TPD52L1: variants seen among roughly 807,000 people sequenced by gnomAD.
The protein encoded by TPD52L1 is TPD52 like 1.
Under a neutral mutation model 28.7 loss-of-function variants are expected in TPD52L1, and 18 were observed. The ratio of observed to expected loss-of-function variants is 0.63; its 90% CI spans 0.43 to 0.93. TPD52L1 has a LOEUF of 0.93. Ranked by LOEUF, TPD52L1 falls within the 40% of genes least tolerant of loss-of-function variation. The pLI, the probability that TPD52L1 is intolerant of heterozygous loss-of-function variation, is 0.00. For missense variants in TPD52L1, 203 were observed against 254.8 expected, an observed-to-expected ratio of 0.80 and a Z score of 1.39; for synonymous variants, 75 against 88.8, an observed-to-expected ratio of 0.84 and a Z score of 0.88.
chr6:125,165,020 G>A (rs979238315), intron 1 of TPD52L1, among the ~76,000 whole-genome samples: 1 of 140,776 alleles, frequency 7.1e-6, no homozygotes, highest in East Asian at 2.0e-4. Flanking sequence ...TGCTGAGGCA[G>A]TGGGACCACT....
chr6:125,202,476 A>G (rs958380048), intron 1 of TPD52L1, among the ~76,000 whole-genome samples: 3 of 152,010 alleles, frequency 2.0e-5, no homozygotes, highest in Admixed American at 6.6e-5. Flanking sequence ...ACAGCCCTCA[A>G]CTCTAGCTTG....
chr6:125,178,461 A>T (rs1289777201), intron 1 of TPD52L1, among the ~76,000 whole-genome samples: 1 of 152,122 alleles, frequency 6.6e-6, no homozygotes, highest in Admixed American at 6.5e-5. Flanking sequence ...TCTCTACTAA[A>T]AATACAAAAC....
chr6:125,183,731 A>G (rs1334983581), intron 1 of TPD52L1, among the ~76,000 whole-genome samples: 2 of 151,126 alleles, frequency 1.3e-5, no homozygotes, highest in African/African-American at 4.8e-5. Context: ...AATATAAAAC[A>G]ATAAGAAAGA....
At chr6:125,154,128 GCCCAAAC>G in intron 1 of TPD52L1, 158 bp downstream of exon 1, 1 of 1,402,728 alleles carries the variant, frequency 7.1e-7, no homozygotes, top group Non-Finnish European at 9.3e-7. Flanking sequence ...AATGCCTGCT[GCCCAAAC>G]TCAGGATTTG....
chr6:125,264,320 T>G lies in TPD52L1; in HGVS notation c.*1358T>G, dbSNP rs955484827. 2 of 152,242 alleles carry G rather than the reference T, an allele frequency of 1.3e-5. No individual in the cohort carries two copies. Among genetic ancestry groups the G allele is most frequent in the African/African-American group, 4.8e-5 (2 of 41,464 alleles). The allele number at this position is 152,242 out of a possible 1,614,324, so 9.4% of individuals were successfully genotyped here. ...TATAATATATACATATTTGTTAGCA[T>G]GCTAATTGTTCATGTTTTGTGTTTA... is the stretch of plus-strand genomic sequence containing the variant. On this transcript the variant is annotated 3_prime_UTR_variant, in exon 7 of 7. Coordinates refer to ENST00000534000, the MANE Select transcript of TPD52L1 (RefSeq NM_003287.4).
intron 1 of TPD52L1, among the ~76,000 whole-genome samples, chr6:125,187,969 T>C (rs1462743710): frequency 6.6e-6 from 1 of 151,886 alleles, no homozygotes; most frequent in Non-Finnish European, 1.5e-5. Context: ...CAGCATTAGC[T>C]GGGGTATGGT....
intron 3 of TPD52L1, among the ~76,000 whole-genome samples, chr6:125,238,835 C>T (rs201637017): frequency 2.6e-5 from 4 of 152,150 alleles, no homozygotes; most frequent in African/African-American, 9.7e-5. Context: ...GACTTCCTAC[C>T]ACAGTTATAT....
chr6:125,218,552 C>G (rs1294814440), intron 1 of TPD52L1, among the ~76,000 whole-genome samples: 1 of 151,966 alleles, frequency 6.6e-6, no homozygotes, highest in Non-Finnish European at 1.5e-5. Context: ...AGTGGCTTGT[C>G]TTTTCATTTT....
intron 4 of TPD52L1, among the ~76,000 whole-genome samples, chr6:125,249,276 C>T (rs1797108058): frequency 6.6e-6 from 1 of 151,416 alleles, no homozygotes; most frequent in East Asian, 1.9e-4. Context: ...ATTTTTCCCT[C>T]TATTCTTTAA....
chr6:125,217,085 A>G (rs1794938955), intron 1 of TPD52L1, among the ~76,000 whole-genome samples: 1 of 152,214 alleles, frequency 6.6e-6, no homozygotes, highest in Non-Finnish European at 1.5e-5. Context: ...GGTAAAGTGG[A>G]GAAAATACTC....
intron 1 of TPD52L1, among the ~76,000 whole-genome samples, chr6:125,166,528 G>A (rs928634552): frequency 2.4e-4 from 37 of 152,034 alleles, no homozygotes; most frequent in African/African-American, 8.7e-4. Context: ...GCATTGGAGG[G>A]GAAGAAAAAC....
intron 1 of TPD52L1, among the ~76,000 whole-genome samples, chr6:125,195,876 C>G (rs1582904760): frequency 6.6e-6 from 1 of 152,214 alleles, no homozygotes; most frequent in Non-Finnish European, 1.5e-5. Flanking sequence ...CGCGCTATCA[C>G]AGCCAGGCCA....
intron 1 of TPD52L1, chr6:125,208,854 C>G: frequency 1.0e-6 from 1 of 967,988 alleles, no homozygotes; most frequent in Non-Finnish European, 1.2e-6. Flanking sequence ...CAGGGAGAGT[C>G]TGGGTCCTGA....
intron 3 of TPD52L1, among the ~76,000 whole-genome samples, chr6:125,237,804 CT>C (rs1450990096): frequency 6.6e-6 from 1 of 151,920 alleles, no homozygotes; most frequent in Non-Finnish European, 1.5e-5. Context: ...CCACCCAGCC[CT>C]GATTTTGTTT....
chr6:125,229,560 A>G (rs1795816665), intron 3 of TPD52L1, among the ~76,000 whole-genome samples: 1 of 152,160 alleles, frequency 6.6e-6, no homozygotes, highest in African/African-American at 2.4e-5. Flanking sequence ...TATTTTTAAC[A>G]TTTGTCAAAT....
intron 1 of TPD52L1, among the ~76,000 whole-genome samples, chr6:125,159,147 G>C (rs1438983246): frequency 6.6e-6 from 1 of 152,196 alleles, no homozygotes; most frequent in African/African-American, 2.4e-5. Flanking sequence ...TTCCTTTCAA[G>C]AAGATTTATA....
intron 1 of TPD52L1, among the ~76,000 whole-genome samples, chr6:125,166,137 G>A (rs1196130168): frequency 1.3e-5 from 2 of 152,144 alleles, no homozygotes; most frequent in East Asian, 3.9e-4. Context: ...ATTCACGGAA[G>A]CAGAACTGAT....
chr6:125,156,847 A>T (rs748086266), intron 1 of TPD52L1, among the ~76,000 whole-genome samples: 10 of 152,198 alleles, frequency 6.6e-5, no homozygotes, highest in Non-Finnish European at 1.2e-4. Flanking sequence ...GAAGGAGGGC[A>T]GTGTCAAGGA....
intron 2 of TPD52L1, among the ~76,000 whole-genome samples, chr6:125,226,401 CG>C (rs1385581862): frequency 6.6e-6 from 1 of 151,768 alleles, no homozygotes; most frequent in African/African-American, 2.4e-5. Context: ...ATGTTTCTAT[CG>C]CTTTTGGGGG....
Sources: allele counts gnomAD v4.1 joint callset (sites outside exome capture counted in the v4.1 genomes callset), GRCh38; gene constraint gnomAD v4.1.1; transcripts MANE v1.5; gene names NCBI Gene and HGNC (gene_info 2026-07-23, HGNC 2026-07-21).